The following GPHN variants were observed in gnomAD, a reference collection of about 807,000 sequenced individuals.
GPHN encodes gephyrin.
A neutral mutation model predicts 95.5 loss-of-function variants in GPHN; 17 were observed. That is an observed-to-expected ratio of 0.18 (90% confidence interval 0.12 to 0.27). GPHN has a LOEUF of 0.27. GPHN is among the 10% of genes least tolerant of loss of function. The probability of loss-of-function intolerance (pLI) is 1.00; values close to 1 mark genes in which losing one functional copy is unlikely to be tolerated. For missense variants in GPHN, 660 were observed against 978.1 expected, an observed-to-expected ratio of 0.67 and a Z score of 4.34; for synonymous variants, 320 against 322.5, an observed-to-expected ratio of 0.99 and a Z score of 0.08.
chr14:67,327,693 G>A, the GPHN span, among the ~76,000 whole-genome samples: 150 of 151,666 alleles, frequency 9.9e-4, no homozygotes, highest in African/African-American at 3.5e-3. Flanking sequence ...CCTGTGTCCT[G>A]GTGTTCTCAT....
chr14:67,311,496 C>T, the GPHN span, among the ~76,000 whole-genome samples: 2 of 152,062 alleles, frequency 1.3e-5, no homozygotes, highest in Admixed American at 1.3e-4. Context: ...TGTGAGATCT[C>T]ATTAGATGAA....
intron 1 of GPHN, among the ~76,000 whole-genome samples, chr14:66,641,482 T>A (rs1216184502): frequency 6.6e-6 from 1 of 152,260 alleles, no homozygotes; most frequent in African/African-American, 2.4e-5. Context: ...AAAAGGGTAA[T>A]TGTATCAGGA....
At chr14:67,411,937 G>T in the GPHN span, 1 of 1,292,188 alleles carries the variant, frequency 7.7e-7, no homozygotes. Context: ...CCGTTCCGGG[G>T]CGCGCGTCTG....
intron 18 of GPHN, among the ~76,000 whole-genome samples, chr14:67,151,085 G>T (rs1008180146): frequency 6.6e-6 from 1 of 152,092 alleles, no homozygotes; most frequent in Admixed American, 6.6e-5. Flanking sequence ...TTTAAGAGAC[G>T]ATATAATTTA....
chr14:67,269,301 C>A, the GPHN span, among the ~76,000 whole-genome samples: 2 of 151,910 alleles, frequency 1.3e-5, no homozygotes, highest in Non-Finnish European at 2.9e-5. Flanking sequence ...TTTGCTATTA[C>A]GAATACTGCT....
the GPHN span, chr14:67,228,384 T>C: frequency 2.1e-6 from 1 of 484,988 alleles, no homozygotes; most frequent in Non-Finnish European, 2.7e-6. Context: ...ATTCTCTATT[T>C]CAGACATTTG....
chr14:67,004,797 T>TATCA (rs1219905193), intron 9 of GPHN, among the ~76,000 whole-genome samples: 18 of 151,898 alleles, frequency 1.2e-4, no homozygotes, highest in African/African-American at 4.1e-4. Context: ...CATTTTTCTC[T>TATCA]ATCAGAGATG....
rs549444490 is a variant in GPHN at position 66,667,938 on chromosome 14, T to A, written c.65-13169T>A. 7.9e-5 allele frequency among the ~76,000 whole-genome samples: 12 copies of A among 152,294 alleles called. No homozygotes were observed. The South Asian group carries it at 2.5e-3, about 32-fold the overall frequency. On this transcript the variant is annotated intron_variant, in intron 1 of 22. Coordinates refer to ENST00000478722, the MANE Select transcript of GPHN (RefSeq NM_020806.5). ...AGCATCTATAAGGAACTTAAATACA[T>A]TTAGAAGAAAAACCACCCCATTAAG...
intron 2 of GPHN, among the ~76,000 whole-genome samples, chr14:66,721,449 T>C (rs1245962926): frequency 6.6e-6 from 1 of 152,178 alleles, no homozygotes; most frequent in Non-Finnish European, 1.5e-5. Context: ...CTGAAACACT[T>C]ATATTAATAA....
the GPHN span, among the ~76,000 whole-genome samples, chr14:67,522,254 C>T: frequency 2.0e-5 from 3 of 152,168 alleles, no homozygotes; most frequent in East Asian, 1.9e-4. Flanking sequence ...TCCCCGTACC[C>T]GCTCCTCTCC....
chr14:67,083,096 C>CTCAAATATAGTAAGACCTATA (rs2076753752), intron 11 of GPHN, among the ~76,000 whole-genome samples: 1 of 152,158 alleles, frequency 6.6e-6, no homozygotes, highest in Non-Finnish European at 1.5e-5. Context: ...ATATTTGTTG[C>CTCAAATATAGTAAGACCTATA]TTTGAGTAGA....
chr14:67,715,214 T>TA, the GPHN span: 9,803 of 149,508 alleles, frequency 0.066, 412 homozygotes, highest in East Asian at 0.11. Context: ...TAATAGCCGT[T>TA]AAAAAATAAA....
chr14:67,018,075 G>T (rs1223694104), intron 9 of GPHN, among the ~76,000 whole-genome samples: 1 of 152,012 alleles, frequency 6.6e-6, no homozygotes, highest in Non-Finnish European at 1.5e-5. Context: ...TCTACTTGGG[G>T]ACTCATATCA....
chr14:67,301,450 A>G, the GPHN span: 1 of 1,610,280 alleles, frequency 6.2e-7, no homozygotes, highest in Non-Finnish European at 8.5e-7. Flanking sequence ...GCTTTGCTGA[A>G]TACTCCACAT....
chr14:66,509,971 C>A (rs1566733770), intron 1 of GPHN, among the ~76,000 whole-genome samples: 1 of 152,042 alleles, frequency 6.6e-6, no homozygotes, highest in African/African-American at 2.4e-5. Flanking sequence ...ATTGCCTTTC[C>A]CTGGTATTCT....
the GPHN span, among the ~76,000 whole-genome samples, chr14:67,710,096 G>A: frequency 2.0e-5 from 3 of 152,148 alleles, no homozygotes; most frequent in African/African-American, 4.8e-5. Context: ...CACCTTTCCA[G>A]ACTGAACCAA....
intron 20 of GPHN, among the ~76,000 whole-genome samples, chr14:67,166,713 A>G (rs957280169): frequency 2.0e-5 from 3 of 152,150 alleles, no homozygotes; most frequent in African/African-American, 7.2e-5. Context: ...TCTGTCGCCC[A>G]GGCTGGAGTG....
the GPHN span, chr14:67,323,756 C>T: frequency 1.2e-6 from 2 of 1,605,464 alleles, no homozygotes; most frequent in South Asian, 1.1e-5. Flanking sequence ...CTTCATTGCA[C>T]CCCCTTCACA....
intron 1 of GPHN, among the ~76,000 whole-genome samples, chr14:66,535,017 A>G (rs900428014): frequency 6.6e-6 from 1 of 152,090 alleles, no homozygotes; most frequent in African/African-American, 2.4e-5. Flanking sequence ...TTTATGGTTT[A>G]GTTGGTTTGT....
Sources: allele counts gnomAD v4.1 joint callset (sites outside exome capture counted in the v4.1 genomes callset), GRCh38; gene constraint gnomAD v4.1.1; transcripts MANE v1.5; gene names NCBI Gene and HGNC (gene_info 2026-07-23, HGNC 2026-07-21).